The following KHDRBS3 variants were observed in gnomAD, a reference collection of about 807,000 sequenced individuals.
KHDRBS3 encodes KH RNA binding domain containing, signal transduction associated 3.
Under a neutral mutation model 45.6 loss-of-function variants are expected in KHDRBS3, and 23 were observed. The observed-to-expected ratio is 0.50, with a 90% confidence interval of 0.36 to 0.72. KHDRBS3 has a LOEUF of 0.72. Among genes scored for constraint, KHDRBS3 ranks in the 30% least tolerant of loss-of-function variants. KHDRBS3 has a pLI of 0.00. For synonymous variants in KHDRBS3, 162 were observed against 156.5 expected (o/e 1.04, Z -0.26); for missense variants, 352 against 424.8 (o/e 0.83, Z 1.51).
chr8:135,584,421 C>T (rs1017789125), intron 6 of KHDRBS3, among the ~76,000 whole-genome samples: 4 of 152,200 alleles, frequency 2.6e-5, no homozygotes, highest in Non-Finnish European at 5.9e-5. Context: ...ATGAGTGCAC[C>T]TCCTTCCCCG....
At chr8:135,511,516 G>A (rs1309107661) in intron 1 of KHDRBS3, among the ~76,000 whole-genome samples, 4 of 151,564 alleles carry the variant, frequency 2.6e-5, no homozygotes, top group African/African-American at 4.9e-5. Context: ...GACATTTTAC[G>A]TACAAATATT....
intron 2 of KHDRBS3, among the ~76,000 whole-genome samples, chr8:135,537,885 C>T (rs553883359): frequency 6.6e-4 from 101 of 152,158 alleles, no homozygotes; most frequent in African/African-American, 2.2e-3. Context: ...TTGCTTATTT[C>T]TTACTGTCTT....
chr8:135,655,989 T>A (rs557658302), intron 4 of KHDRBS3, among the ~76,000 whole-genome samples: 11 of 152,342 alleles, frequency 7.2e-5, no homozygotes, highest in African/African-American at 2.6e-4. Context: ...AATATCATAA[T>A]GGATAGTAGT....
chr8:135,609,976 C>T (rs10109747), intron 7 of KHDRBS3, among the ~76,000 whole-genome samples: 12 of 151,624 alleles, frequency 7.9e-5, no homozygotes, highest in Non-Finnish European at 1.5e-4. Context: ...GCATCAACCC[C>T]GTCCTATACA....
chr8:135,547,774 T>C (rs1234667210), intron 3 of KHDRBS3, among the ~76,000 whole-genome samples: 1 of 152,180 alleles, frequency 6.6e-6, no homozygotes, highest in Non-Finnish European at 1.5e-5. Context: ...TTCTTATCTT[T>C]TGGAAATTAG....
chr8:135,558,024 TTATG>T (rs1386425265), intron 5 of KHDRBS3, among the ~76,000 whole-genome samples: 7 of 152,208 alleles, frequency 4.6e-5, no homozygotes. Context: ...GACTTGTTTT[TTATG>T]TAAGTAATCG....
intron 1 of KHDRBS3, among the ~76,000 whole-genome samples, chr8:135,501,273 CTTCA>C (rs1823722860): frequency 1.3e-5 from 2 of 152,184 alleles, no homozygotes; most frequent in South Asian, 4.1e-4. Flanking sequence ...AATTTAAGGT[CTTCA>C]GACATATCCA....
intron 7 of KHDRBS3, among the ~76,000 whole-genome samples, chr8:135,631,367 CTT>C (rs1484562270): frequency 6.6e-6 from 1 of 151,058 alleles, no homozygotes. Context: ...CATAATAACA[CTT>C]AGCTTAAAAC....
intron 4 of KHDRBS3, chr8:135,656,222 T>C (rs1264185493): frequency 6.6e-6 from 1 of 152,224 alleles, no homozygotes; most frequent in Non-Finnish European, 1.5e-5. Context: ...TTCCTCTCTT[T>C]CAGGAACTTT....
intron 5 of KHDRBS3, among the ~76,000 whole-genome samples, chr8:135,564,280 G>A (rs1827298888): frequency 6.6e-6 from 1 of 151,978 alleles, no homozygotes; most frequent in Admixed American, 6.6e-5. Flanking sequence ...AAATAAGTGT[G>A]GATCAGGAAA....
chr8:135,646,076 A>G (rs1831277126), intron 8 of KHDRBS3, among the ~76,000 whole-genome samples: 1 of 141,690 alleles, frequency 7.1e-6, no homozygotes, highest in Non-Finnish European at 1.5e-5. Flanking sequence ...AATGCAGGCT[A>G]CCTAAATTGA....
intron 1 of KHDRBS3, among the ~76,000 whole-genome samples, chr8:135,499,366 C>T (rs994664290): frequency 7.9e-5 from 12 of 152,152 alleles, no homozygotes; most frequent in Non-Finnish European, 1.3e-4. Context: ...GCTAAAGTTA[C>T]GCGGCTGCTA....
chr8:135,465,760 C>T (rs1047686839), intron 1 of KHDRBS3, among the ~76,000 whole-genome samples: 2 of 152,140 alleles, frequency 1.3e-5, no homozygotes, highest in Admixed American at 6.5e-5. Context: ...CATAATTTTT[C>T]GTCAATCAGC....
At chr8:135,600,794 G>C (rs1403444564) in intron 6 of KHDRBS3, among the ~76,000 whole-genome samples, 1 of 152,206 alleles carries the variant, frequency 6.6e-6, no homozygotes, top group Non-Finnish European at 1.5e-5. Flanking sequence ...CGCCTCCCGG[G>C]TTCAAGCAGT....
chr8:135,464,880 A>G (rs1563695972), intron 1 of KHDRBS3, among the ~76,000 whole-genome samples: 1 of 152,186 alleles, frequency 6.6e-6, no homozygotes, highest in Non-Finnish European at 1.5e-5. Context: ...CTATGACACT[A>G]TGTAGGGCAC....
chr8:135,471,466 G>T (rs535819515), intron 1 of KHDRBS3, among the ~76,000 whole-genome samples: 1 of 152,310 alleles, frequency 6.6e-6, no homozygotes, highest in African/African-American at 2.4e-5. Flanking sequence ...TGCAGAGCAA[G>T]CTAATACTTT....
At chr8:135,568,759 G>T (rs1390310067) in intron 5 of KHDRBS3, among the ~76,000 whole-genome samples, 5 of 152,194 alleles carry the variant, frequency 3.3e-5, no homozygotes, top group Non-Finnish European at 7.3e-5. Flanking sequence ...AATTTAAGAC[G>T]TTAAAGAAGA....
chr8:135,533,645 C>A (rs188923660), intron 2 of KHDRBS3, among the ~76,000 whole-genome samples: 1 of 152,238 alleles, frequency 6.6e-6, no homozygotes, highest in East Asian at 1.9e-4. Context: ...TACTGATGGA[C>A]CTGCTTTATT....
At chr8:135,534,325 C>T (rs893475265) in intron 2 of KHDRBS3, among the ~76,000 whole-genome samples, 2 of 152,022 alleles carry the variant, frequency 1.3e-5, no homozygotes, top group African/African-American at 4.8e-5. Context: ...TTTCATCTCC[C>T]TGTGTGGTAT....
Sources: allele counts gnomAD v4.1 joint callset (sites outside exome capture counted in the v4.1 genomes callset), GRCh38; gene constraint gnomAD v4.1.1; transcripts MANE v1.5; gene names NCBI Gene and HGNC (gene_info 2026-07-23, HGNC 2026-07-21).